RPL6: variants seen among roughly 807,000 people sequenced by gnomAD.
RPL6 encodes ribosomal protein L6.
RPL6 carries 1 observed loss-of-function variant against 32.1 expected under a neutral mutation model. The ratio of observed to expected loss-of-function variants is 0.03; its 90% CI spans 0.01 to 0.15. The LOEUF (loss-of-function observed/expected upper bound fraction) is 0.15, where lower values mean the gene tolerates loss of function less well. Ranked by LOEUF, RPL6 falls within the 10% of genes least tolerant of loss-of-function variation. The pLI, the probability that RPL6 is intolerant of heterozygous loss-of-function variation, is 1.00. For synonymous variants in RPL6, 126 were observed against 131.6 expected (o/e 0.96, Z 0.29); for missense variants, 275 against 354.6 (o/e 0.78, Z 1.80).
At chr12:112,410,541 A>G (rs957915544), upstream of RPL6, 6 of 141,584 alleles carry the variant, frequency 4.2e-5, no homozygotes, top group Admixed American at 7.2e-5. Flanking sequence ...TAAATGCTAC[A>G]TAAGTGTTAG....
intron 1 of RPL6, among the ~76,000 whole-genome samples, chr12:112,416,874 T>C (rs1429829918): frequency 6.6e-6 from 1 of 152,148 alleles, no homozygotes; most frequent in Non-Finnish European, 1.5e-5. Context: ...GGCTCTTATG[T>C]GAATTAAATT....
intron 1 of RPL6, chr12:112,409,139 C>A (rs1200410933): frequency 1.8e-5 from 5 of 271,582 alleles, no homozygotes; most frequent in Non-Finnish European, 2.7e-5. Flanking sequence ...CAAATTGAGC[C>A]AGAGAAAAAG....
intron 6 of RPL6, 65 bp from the exon 7 acceptor site, chr12:112,405,441 A>G: frequency 6.7e-7 from 1 of 1,499,090 alleles, no homozygotes; most frequent in South Asian, 1.2e-5. Context: ...AGGTCAACTA[A>G]GGAGTCCTGT....
At chr12:112,408,743 T>C (rs2037262546) in intron 1 of RPL6, 87 bp from the exon 2 acceptor site, 2 of 1,187,080 alleles carry the variant, frequency 1.7e-6, no homozygotes, top group Non-Finnish European at 2.4e-6. Flanking sequence ...ATGAATGGGC[T>C]GGGCTCCCCA....
upstream of RPL6, among the ~76,000 whole-genome samples, chr12:112,410,729 A>G (rs2037331622): frequency 6.6e-6 from 1 of 151,652 alleles, no homozygotes. Context: ...GCACACCACC[A>G]TGCCCAGCTA....
chr12:112,417,560 CT>C (rs1209085428), intron 1 of RPL6, among the ~76,000 whole-genome samples: 1,182 of 75,034 alleles, frequency 0.016, 1 homozygote, highest in African/African-American at 0.036. Flanking sequence ...CCCGGCCCGG[CT>C]TTTTTTTTTT....
intron 1 of RPL6, chr12:112,418,691 G>A (rs571389603): frequency 6.2e-6 from 2 of 325,200 alleles, no homozygotes; most frequent in African/African-American, 4.3e-5. Context: ...GGGCCCGGAC[G>A]GGTCGGTGGC....
At chr12:112,406,575 A>G in intron 4 of RPL6, 172 bp downstream of exon 4, 2 of 959,864 alleles carry the variant, frequency 2.1e-6, no homozygotes, top group Non-Finnish European at 1.5e-6. Flanking sequence ...TGGCTAATAA[A>G]TCACCATGGA....
intron 4 of RPL6, 73 bp from the exon 5 acceptor site, chr12:112,406,415 A>G: frequency 7.3e-7 from 1 of 1,378,430 alleles, no homozygotes; most frequent in South Asian, 1.2e-5. Context: ...AATCACAGGC[A>G]TCTAAATTTG....
Position 112,405,297 on chromosome 12 carries a change from G to A in RPL6, c.794C>T (p.Pro265Leu). Reference protein sequence around the residue: ...SQILPKIKAIPQLQGYLRSVF... With the variant: ...SQILPKIKAILQLQGYLRSVF... Reference sequence around the variant, plus strand: ...AGATCGCAGGTAGCCCTGGAGCTGAGGAATAGCTTTGATTTTTGGTAAAAT... The same window carrying A: ...AGATCGCAGGTAGCCCTGGAGCTGAAGAATAGCTTTGATTTTTGGTAAAAT... Residue 265 changes from proline (P) to leucine (L), a missense_variant, in exon 7 of 7, where the codon CCT (proline) becomes CTT (leucine). Coordinates refer to ENST00000202773, the MANE Select transcript of RPL6 (RefSeq NM_000970.6). The A allele has an allele frequency of 6.2e-7, 1 of 1,610,476 alleles. No homozygotes were observed. Among genetic ancestry groups the A allele is most frequent in the South Asian group, 1.1e-5 (1 of 90,696 alleles).
At chr12:112,417,338 G>T (rs908457673) in intron 1 of RPL6, among the ~76,000 whole-genome samples, 1 of 151,718 alleles carries the variant, frequency 6.6e-6, no homozygotes, top group African/African-American at 2.4e-5. Context: ...GATTACAGGC[G>T]TGAGCCACCA....
At chr12:112,413,635 A>C (rs1367389392), upstream of RPL6, among the ~76,000 whole-genome samples, 1 of 152,028 alleles carries the variant, frequency 6.6e-6, no homozygotes, top group Admixed American at 6.6e-5. Context: ...CCAGGCTGCC[A>C]GTCTGGTCTC....
chr12:112,416,418 C>T (rs2037411160), intron 1 of RPL6, among the ~76,000 whole-genome samples: 1 of 151,920 alleles, frequency 6.6e-6, no homozygotes, highest in Admixed American at 6.6e-5. Flanking sequence ...GGATTACAGG[C>T]GTGAGCCACC....
intron 1 of RPL6, among the ~76,000 whole-genome samples, chr12:112,415,417 T>A (rs1298500140): frequency 2.0e-5 from 3 of 151,986 alleles, no homozygotes; most frequent in African/African-American, 4.8e-5. Flanking sequence ...AAAATTTTTT[T>A]AAACTTTTTT....
chr12:112,418,129 C>T (rs545041639), intron 1 of RPL6, among the ~76,000 whole-genome samples: 2 of 151,600 alleles, frequency 1.3e-5, no homozygotes, highest in African/African-American at 2.4e-5. Flanking sequence ...ACAGGCGCCC[C>T]CCACCACGCC....
Position 112,406,918 on chromosome 12 carries a change from T to C in RPL6, c.337-28A>G, listed in dbSNP as rs767205485. 7 of 1,611,998 alleles carry C rather than the reference T, an allele frequency of 4.3e-6. No individual in the cohort carries two copies. The South Asian group carries it at 6.6e-5, about 15-fold the overall frequency. ...GTGGAGAGTCCATAGATCCAACTTATTTAAATAAGCCATTCAGATTACTAG... is the reference window on the plus strand; with the variant it reads ...GTGGAGAGTCCATAGATCCAACTTACTTAAATAAGCCATTCAGATTACTAG... On this transcript the variant is annotated intron_variant, in intron 3 of 6. Coordinates refer to ENST00000202773, the MANE Select transcript of RPL6 (RefSeq NM_000970.6).
upstream of RPL6, chr12:112,410,554 CTTTTTTTTTTTTTTTTTTTTTT>C (rs561190073): frequency 1.9e-4 from 7 of 36,224 alleles, no homozygotes; most frequent in Admixed American, 3.2e-4. Context: ...AGTGTTAGCT[CTTTTTTTTTTTTTTTTTTTTTT>C]TTTTTTTTTT....
rs1230033879 is a variant in RPL6, at chr12:112,406,196, A to C, written c.529+98T>G. 1.5e-5 allele frequency: 19 copies of C among 1,241,894 alleles called. No individual in the cohort carries two copies. In the African/African-American group the frequency reaches 2.6e-4, roughly 17 times the overall value. The allele number at this position is 1,241,894 out of a possible 1,614,324, so 76.9% of individuals were successfully genotyped here. A position where few individuals can be genotyped will look rare whatever the true frequency, so the allele number is the denominator to read the frequency against. On this transcript the variant is annotated intron_variant, in intron 5 of 6. Transcript: ENST00000202773. The stretch of plus-strand genomic sequence containing the variant: ...ATGGGCCTCAGACACTTGTGGCAAT[A>C]AGTGTCTACCATGTAGGCAGTAGCA...
At chr12:112,406,260 T>C in intron 5 of RPL6, 34 bp downstream of exon 5, 1 of 1,587,906 alleles carries the variant, frequency 6.3e-7, no homozygotes, top group African/African-American at 1.3e-5. Flanking sequence ...AAATGGAAGT[T>C]TCACAGAACA....
Sources: gnomAD v4.1 joint callset for allele counts (sites outside exome capture counted in the v4.1 genomes callset) on GRCh38, gnomAD v4.1.1 for gene constraint, MANE v1.5 for transcripts, NCBI Gene and HGNC (gene_info 2026-07-23, HGNC 2026-07-21) for gene names.